ROBO1: variants seen among roughly 807,000 people sequenced by gnomAD.
ROBO1 encodes roundabout guidance receptor 1.
In ROBO1, 149 loss-of-function variants were observed where a neutral mutation model predicts 195.9. The ratio of observed to expected loss-of-function variants is 0.76; its 90% CI spans 0.67 to 0.87. The LOEUF (loss-of-function observed/expected upper bound fraction) is 0.87. Among genes scored for constraint, ROBO1 ranks in the 40% least tolerant of loss-of-function variants. ROBO1 has a pLI of 0.00. For synonymous variants in ROBO1, 816 were observed against 733.2 expected, an observed-to-expected ratio of 1.11 and a Z score of -1.82; for missense variants, 1,933 against 2,068.3, an observed-to-expected ratio of 0.93 and a Z score of 1.27.
chr3:79,173,649 A>G (rs890045710), intron 2 of ROBO1, among the ~76,000 whole-genome samples: 47 of 151,952 alleles, frequency 3.1e-4, no homozygotes, highest in Admixed American at 1.6e-3. Flanking sequence ...CCGGATGAGC[A>G]CGGCCCCCTG....
intron 1 of ROBO1, among the ~76,000 whole-genome samples, chr3:79,664,950 A>C (rs1946433894): frequency 6.6e-6 from 1 of 151,974 alleles, no homozygotes; most frequent in South Asian, 2.1e-4. Context: ...ATAAAGTGTA[A>C]TGTATTTAAT....
chr3:79,542,583 G>A (rs1942114262), intron 2 of ROBO1, among the ~76,000 whole-genome samples: 1 of 151,968 alleles, frequency 6.6e-6, no homozygotes, highest in Non-Finnish European at 1.5e-5. Context: ...AATAACAGTA[G>A]TAATAGAAAT....
intron 3 of ROBO1, among the ~76,000 whole-genome samples, chr3:78,957,708 G>A (rs927602251): frequency 2.6e-5 from 4 of 152,122 alleles, no homozygotes; most frequent in Admixed American, 6.5e-5. Flanking sequence ...GATTTAAACC[G>A]ATTAACAGGT....
At chr3:78,866,568 G>A (rs1430244153) in intron 4 of ROBO1, among the ~76,000 whole-genome samples, 4 of 152,120 alleles carry the variant, frequency 2.6e-5, no homozygotes, top group East Asian at 1.9e-4. Context: ...ATATTATATA[G>A]AGCTAGAACC....
chr3:78,978,489 C>A (rs2076928420), intron 3 of ROBO1, among the ~76,000 whole-genome samples: 1 of 152,048 alleles, frequency 6.6e-6, no homozygotes, highest in African/African-American at 2.4e-5. Context: ...GCACCACACA[C>A]AGTATTGCCC....
intron 8 of ROBO1, among the ~76,000 whole-genome samples, chr3:78,713,774 T>C (rs1007004539): frequency 2.0e-5 from 3 of 152,226 alleles, no homozygotes; most frequent in African/African-American, 7.2e-5. Context: ...CGGTATCCAC[T>C]TGGGCTCATA....
At chr3:78,932,849 T>C (rs796596170) in intron 4 of ROBO1, among the ~76,000 whole-genome samples, 12 of 152,280 alleles carry the variant, frequency 7.9e-5, no homozygotes, top group African/African-American at 2.6e-4. Context: ...AATTAGCACA[T>C]ATTACTTCTG....
At chr3:78,660,270 A>G (rs1707313028) in intron 16 of ROBO1, 1 of 153,778 alleles carries the variant, frequency 6.5e-6, no homozygotes, top group Non-Finnish European at 1.4e-5. Flanking sequence ...GTCCCAAACT[A>G]CCTAAGTTGT....
At chr3:79,319,025 T>C (rs2109121513) in intron 2 of ROBO1, among the ~76,000 whole-genome samples, 1 of 152,370 alleles carries the variant, frequency 6.6e-6, no homozygotes. Flanking sequence ...GTTACATAGC[T>C]AAATTTTGTA....
In ROBO1 at chr3:79,748,528, T is replaced by C. The variant is rs543091770; in HGVS notation, c.-51+19224A>G. On this transcript the variant is annotated intron_variant, in intron 1 of 30. Transcript: ENST00000464233. ...ATATTTTTATTTGAAATAAGAGATA[T>C]GTTACCAAATGGCAAATCTCTACAT... Among the ~76,000 whole-genome samples the C allele has an allele frequency of 2.6e-5, 4 of 152,270 alleles. No individual in the cohort carries two copies. The East Asian group carries it at 5.8e-4, about 22-fold the overall frequency.
chr3:78,863,757 G>A (rs1343466725), intron 4 of ROBO1, among the ~76,000 whole-genome samples: 2 of 152,152 alleles, frequency 1.3e-5, no homozygotes, highest in Admixed American at 6.5e-5. Flanking sequence ...AATGCAGTCG[G>A]CATTGCACTG....
intron 3 of ROBO1, among the ~76,000 whole-genome samples, chr3:79,012,406 T>G (rs2077804447): frequency 6.6e-6 from 1 of 152,230 alleles, no homozygotes; most frequent in Admixed American, 6.5e-5. Context: ...CCAGATAGAC[T>G]ATTTAGTCTC....
In ROBO1 at chr3:79,093,007, CCAAA is replaced by C. The variant is rs370356748; in HGVS notation, c.172+32445_172+32448del. 2.7e-3 allele frequency among the ~76,000 whole-genome samples: 408 copies of C among 152,140 alleles called. 4 individuals are homozygous for C. Among genetic ancestry groups the C allele is most frequent in the African/African-American group, 4.8e-3 (199 of 41,508 alleles). On this transcript the variant is annotated intron_variant, in intron 3 of 30. Transcript: ENST00000464233. ...GTGTGTAAACTAACATTTGCTTTTACCAAACAAAGTTACATGTTACAGTTAATTT... is the reference window on the plus strand; with the variant it reads ...GTGTGTAAACTAACATTTGCTTTTACCAAAGTTACATGTTACAGTTAATTT...
At chr3:79,512,212 C>T (rs1940742452) in intron 2 of ROBO1, among the ~76,000 whole-genome samples, 2 of 152,034 alleles carry the variant, frequency 1.3e-5, no homozygotes, top group South Asian at 4.1e-4. Context: ...AAAGAGATAA[C>T]TCGAAGTGAT....
chr3:79,480,888 T>C (rs1938813661), intron 2 of ROBO1, among the ~76,000 whole-genome samples: 1 of 152,172 alleles, frequency 6.6e-6, no homozygotes, highest in Non-Finnish European at 1.5e-5. Context: ...TCTAATAGGC[T>C]ATACACATGC....
rs750853880 is a variant in ROBO1 at position 78,746,732 on chromosome 3, T to G, written c.657+11A>C. ...CAACAAATGTCCTCTGCTGTTGAAT[T>G]AAATACTCACAGTTATTCTTTCATC... On this transcript the variant is annotated intron_variant, in intron 5 of 30. Coordinates refer to ENST00000464233, the MANE Select transcript of ROBO1 (RefSeq NM_002941.4). The G allele has an allele frequency of 3.4e-6, 5 of 1,471,742 alleles. No homozygotes were observed. The highest frequency in any genetic ancestry group is 4.6e-6 in the Non-Finnish European group (5 of 1,095,092). The allele number at this position is 1,471,742 out of a possible 1,614,324, so 91.2% of individuals were successfully genotyped here.
At chr3:79,043,710 T>C (rs2078532049) in intron 3 of ROBO1, among the ~76,000 whole-genome samples, 1 of 152,160 alleles carries the variant, frequency 6.6e-6, no homozygotes, top group Non-Finnish European at 1.5e-5. Flanking sequence ...ACTAAGTTGA[T>C]AACACATGTT....
intron 2 of ROBO1, among the ~76,000 whole-genome samples, chr3:79,214,824 ATAT>A (rs1316223342): frequency 2.0e-4 from 28 of 139,372 alleles, no homozygotes; most frequent in African/African-American, 8.2e-4. Context: ...ATATATATAT[ATAT>A]TTTTTTTTTT....
intron 2 of ROBO1, among the ~76,000 whole-genome samples, chr3:79,262,066 T>C (rs2108943507): frequency 1.3e-5 from 2 of 152,182 alleles, no homozygotes; most frequent in South Asian, 4.1e-4. Context: ...GTGCTCTTGG[T>C]CAACAAGCCA....
Sources: allele counts gnomAD v4.1 joint callset (sites outside exome capture counted in the v4.1 genomes callset), GRCh38; gene constraint gnomAD v4.1.1; transcripts MANE v1.5; gene names NCBI Gene and HGNC (gene_info 2026-07-23, HGNC 2026-07-21).